Variants in OSBP2 observed in about 807,000 individuals in gnomAD.
The protein encoded by OSBP2 is oxysterol binding protein 2.
In OSBP2, 66 loss-of-function variants were observed where a neutral mutation model predicts 96.0. The ratio of observed to expected loss-of-function variants is 0.69; its 90% CI spans 0.56 to 0.84. OSBP2 has a LOEUF of 0.84. OSBP2 is among the 40% of genes least tolerant of loss of function. The pLI is 0.00. For missense variants in OSBP2, 1,038 were observed against 1,222.7 expected, an observed-to-expected ratio of 0.85 and a Z score of 2.25; for synonymous variants, 525 against 520.9, an observed-to-expected ratio of 1.01 and a Z score of -0.11.
chr22:30,791,321 CTTTTTTTTTTTTTT>C (rs869143598), intron 2 of OSBP2, among the ~76,000 whole-genome samples: 1 of 63,998 alleles, frequency 1.6e-5, no homozygotes, highest in Non-Finnish European at 2.8e-5. Context: ...GGGGATTCTT[CTTTTTTTTTTTTTT>C]TTTTTTTTTT....
intron 1 of OSBP2, among the ~76,000 whole-genome samples, chr22:30,720,779 C>G (rs1456769000): frequency 6.6e-6 from 1 of 152,218 alleles, no homozygotes; most frequent in Non-Finnish European, 1.5e-5. Flanking sequence ...CTGTTTAACT[C>G]CCATATTCCT....
At chr22:30,771,875 C>T (rs111503353) in intron 2 of OSBP2, among the ~76,000 whole-genome samples, 36 of 152,344 alleles carry the variant, frequency 2.4e-4, no homozygotes, top group African/African-American at 7.2e-4. Context: ...CTGCTCTCCA[C>T]GGCTTGGAGC....
At chr22:30,724,658 A>G (rs995626041) in intron 1 of OSBP2, among the ~76,000 whole-genome samples, 4 of 152,220 alleles carry the variant, frequency 2.6e-5, no homozygotes, top group African/African-American at 4.8e-5. Context: ...GCAGTTATGA[A>G]TAAAGCTGCT....
At chr22:30,771,175 G>A (rs1273331230) in intron 2 of OSBP2, among the ~76,000 whole-genome samples, 2 of 152,176 alleles carry the variant, frequency 1.3e-5, no homozygotes, top group Non-Finnish European at 2.9e-5. Flanking sequence ...AGGAGGGCAG[G>A]CAAAAGTCGT....
rs1452735035 is a variant in OSBP2, at chr22:30,871,799, T to C, written c.1107+1117T>C. 1.3e-5 allele frequency among the ~76,000 whole-genome samples: 2 copies of C among 152,328 alleles called. No individual in the cohort carries two copies. The highest frequency in any genetic ancestry group is 2.4e-5 in the African/African-American group (1 of 41,572). ...CTCACCGCAGGCCAAGAGCCCAGGC[T>C]AAAACCTGGGCATCCAAGACCTGCC... On this transcript the variant is annotated intron_variant, in intron 3 of 13. Transcript: ENST00000332585. The surrounding 1 kb of genome is among the most constrained non-coding windows in gnomAD (Gnocchi z 4.7).
At chr22:30,814,329 C>T (rs550552275) in intron 2 of OSBP2, among the ~76,000 whole-genome samples, 2 of 151,888 alleles carry the variant, frequency 1.3e-5, no homozygotes, top group East Asian at 3.9e-4. Context: ...TTGCTATGTC[C>T]TCACATGGTC....
At chr22:30,787,658 A>G (rs1188721258) in intron 2 of OSBP2, among the ~76,000 whole-genome samples, 1 of 152,014 alleles carries the variant, frequency 6.6e-6, no homozygotes, top group Non-Finnish European at 1.5e-5. Context: ...GGGTAACAGA[A>G]GGATACTCTG....
intron 8 of OSBP2, among the ~76,000 whole-genome samples, chr22:30,892,465 G>A (rs1381114268): frequency 6.6e-6 from 1 of 152,126 alleles, no homozygotes; most frequent in East Asian, 1.9e-4. Context: ...GGCAGCTGGA[G>A]GCCAGGGGCA....
At chr22:30,875,787 C>T (rs1246137971) in intron 3 of OSBP2, among the ~76,000 whole-genome samples, 2 of 152,230 alleles carry the variant, frequency 1.3e-5, no homozygotes, top group Non-Finnish European at 2.9e-5. Flanking sequence ...AGGGCAACCC[C>T]TCTCTCATCA....
chr22:30,694,761 GCTGA>G, upstream of OSBP2: 2 of 565,588 alleles, frequency 3.5e-6, no homozygotes, highest in Non-Finnish European at 2.2e-6. Context: ...GCCGGCGGGC[GCTGA>G]CGGGCACGGA....
chr22:30,883,102 G>A (rs2039736242), intron 3 of OSBP2, among the ~76,000 whole-genome samples: 1 of 152,278 alleles, frequency 6.6e-6, no homozygotes, highest in South Asian at 2.1e-4. Context: ...GTAGGAGACT[G>A]GCAGGAAGTG....
chr22:30,732,798 C>T (rs1017988087), intron 1 of OSBP2, among the ~76,000 whole-genome samples: 7 of 152,184 alleles, frequency 4.6e-5, no homozygotes, highest in Middle Eastern at 3.2e-3. Context: ...ATTTCTCCCT[C>T]GGTGTCCCCG....
intron 3 of OSBP2, among the ~76,000 whole-genome samples, chr22:30,876,240 A>G (rs569059158): frequency 2.2e-4 from 33 of 152,304 alleles, no homozygotes; most frequent in Admixed American, 2.0e-3. Flanking sequence ...TCTGGCCAGG[A>G]TGGGGACCTG....
chr22:30,693,971 G>GAAAA (rs11383654), upstream of OSBP2: 147 of 870,420 alleles, frequency 1.7e-4, no homozygotes, highest in Middle Eastern at 6.3e-4. Flanking sequence ...TCTCAAAAAG[G>GAAAA]AAAAAAAAAA....
Position 30,741,354 on chromosome 22 carries a change from A to G in OSBP2, c.838A>G (p.Met280Val). ...GGCCAAGGCCAAGGCTGTCCGCGTGATGAACACTCATTCAGGTAGTGAGCA... is the reference window on the plus strand; with the variant it reads ...GGCCAAGGCCAAGGCTGTCCGCGTGGTGAACACTCATTCAGGTAGTGAGCA... ...ELAKAKAVRV[M>V]NTHSDDSGDD... The change falls in exon 2 of 14, where the codon ATG becomes GTG. Residue 280 changes from methionine (M) to valine (V), a missense_variant. Coordinates refer to ENST00000332585, the MANE Select transcript of OSBP2 (RefSeq NM_030758.4). 1.2e-6 allele frequency: 2 copies of G among 1,609,498 alleles called. No homozygotes were observed. The highest frequency in any genetic ancestry group is 1.7e-6 in the Non-Finnish European group (2 of 1,179,384).
At chr22:30,853,980 C>T (rs552020181) in intron 2 of OSBP2, among the ~76,000 whole-genome samples, 81 of 152,006 alleles carry the variant, frequency 5.3e-4, no homozygotes, top group Non-Finnish European at 1.0e-3. Context: ...AGGATGGTCT[C>T]GATCTCCTGA....
intron 2 of OSBP2, chr22:30,764,177 C>A (rs1016507774): frequency 1.1e-6 from 1 of 937,868 alleles, no homozygotes; most frequent in Non-Finnish European, 1.3e-6. Flanking sequence ...GCCTACCCTC[C>A]ATTGATGTCA....
At position 30,902,139 on chromosome 22, in the gene OSBP2, C is replaced by CAA. The variant is rs1491098304; in HGVS notation, c.2376-3698_2376-3697insAA. On this transcript the variant is annotated intron_variant, in intron 12 of 13. Coordinates refer to ENST00000332585, the MANE Select transcript of OSBP2 (RefSeq NM_030758.4). The stretch of plus-strand genomic sequence containing the variant: ...AAAAAAAAAAACGAAAAAAAAAAAA[C>CAA]CAAAAAAAAAAAACAGAGGGTCCCA... The CAA allele has an allele frequency of 2.3e-4, 15 of 66,114 alleles. 1 individual carries two copies. The highest frequency in any genetic ancestry group is 1.4e-3 in the South Asian group (4 of 2,790). The allele number at this position is 66,114 out of a possible 1,614,324, so 4.1% of individuals were successfully genotyped here.
At chr22:30,828,952 C>T (rs989661216) in intron 2 of OSBP2, among the ~76,000 whole-genome samples, 14 of 152,146 alleles carry the variant, frequency 9.2e-5, no homozygotes, top group African/African-American at 3.4e-4. Flanking sequence ...CATGATGGGG[C>T]AGTGCAGCAG....
Sources: gnomAD v4.1 joint callset for allele counts (sites outside exome capture counted in the v4.1 genomes callset) on GRCh38, gnomAD v4.1.1 for gene constraint, Gnocchi (gnomAD v3.1) non-coding constraint, MANE v1.5 for transcripts, NCBI Gene and HGNC (gene_info 2026-07-23, HGNC 2026-07-21) for gene names.